The following SAMD12 variants were observed in gnomAD, a reference collection of about 807,000 sequenced individuals.
SAMD12 encodes the protein sterile alpha motif domain-containing protein 12.
In SAMD12, 9 loss-of-function variants were observed where a neutral mutation model predicts 15.0. The observed-to-expected ratio is 0.60, with a 90% CI of 0.36 to 1.05. The LOEUF (loss-of-function observed/expected upper bound fraction) is 1.05, where lower values mean the gene tolerates loss of function less well. Among genes scored for constraint, SAMD12 ranks in the 50% least tolerant of loss-of-function variants. The probability of loss-of-function intolerance (pLI) is 0.01; values close to 1 mark genes in which losing one functional copy is unlikely to be tolerated. For synonymous variants in SAMD12, 86 were observed against 90.1 expected, an observed-to-expected ratio of 0.96 and a Z score of 0.25; for missense variants, 230 against 234.2, an observed-to-expected ratio of 0.98 and a Z score of 0.12.
chr8:118,406,013 A>G (rs1821112975), intron 3 of SAMD12, among the ~76,000 whole-genome samples: 1 of 152,172 alleles, frequency 6.6e-6, no homozygotes, highest in Admixed American at 6.5e-5. Context: ...AGAATACAGC[A>G]AGGTTCAATG....
In SAMD12 at chr8:118,285,731, C is replaced by T. The variant is rs191539484; in HGVS notation, c.434-87999G>A. ...GTTGGGGATAATAATTTAGCAATCT[C>T]ATGGAGCTATTGAACAGACTGAATA... On this transcript the variant is annotated intron_variant, in intron 4 of 4. Transcript: ENST00000409003. Among the ~76,000 whole-genome samples the T allele has an allele frequency of 2.8e-3, 422 of 152,300 alleles. 1 individual carries two copies. Among genetic ancestry groups the T allele is most frequent in the Non-Finnish European group, 4.9e-3 (331 of 68,030 alleles).
At chr8:118,424,025 A>G (rs928354957) in intron 3 of SAMD12, among the ~76,000 whole-genome samples, 5 of 152,184 alleles carry the variant, frequency 3.3e-5, no homozygotes, top group African/African-American at 1.2e-4. Flanking sequence ...GATGCTAAGT[A>G]TATGTTTAGG....
At chr8:118,435,431 A>G (rs1276292140) in intron 3 of SAMD12, among the ~76,000 whole-genome samples, 1 of 152,172 alleles carries the variant, frequency 6.6e-6, no homozygotes, top group African/African-American at 2.4e-5. Context: ...GGTTTCAGGC[A>G]TCCACTGGGG....
At chr8:118,167,065 C>A in the SAMD12 span, among the ~76,000 whole-genome samples, 18 of 152,254 alleles carry the variant, frequency 1.2e-4, no homozygotes, top group African/African-American at 4.3e-4. Context: ...AGTGGGTACT[C>A]TTCCCTGCCT....
intron 3 of SAMD12, among the ~76,000 whole-genome samples, chr8:118,419,461 T>C (rs1821890957): frequency 6.6e-6 from 1 of 152,208 alleles, no homozygotes; most frequent in Non-Finnish European, 1.5e-5. Flanking sequence ...ACCTGTAAGA[T>C]TCTGGGGACT....
chr8:118,279,704 G>A, intron 4 of SAMD12, among the ~76,000 whole-genome samples: 1 of 152,310 alleles, frequency 6.6e-6, no homozygotes, highest in African/African-American at 2.4e-5. Flanking sequence ...TGCATAAGAG[G>A]AAATGAGTGA....
At chr8:118,500,778 C>T (rs1386394261) in intron 2 of SAMD12, among the ~76,000 whole-genome samples, 1 of 152,142 alleles carries the variant, frequency 6.6e-6, no homozygotes, top group Admixed American at 6.5e-5. Flanking sequence ...TGCACTCCAG[C>T]CTGGGCGACA....
intron 4 of SAMD12, among the ~76,000 whole-genome samples, chr8:118,331,017 A>G (rs1052836978): frequency 2.0e-5 from 3 of 152,028 alleles, no homozygotes; most frequent in African/African-American, 7.2e-5. Flanking sequence ...TAAAATATAC[A>G]TTCCTAGGGT....
chr8:118,383,389 T>C (rs1335918375), intron 3 of SAMD12, among the ~76,000 whole-genome samples: 1 of 152,152 alleles, frequency 6.6e-6, no homozygotes, highest in Non-Finnish European at 1.5e-5. Context: ...AAGCTGTTAA[T>C]GAGTAATGAA....
At chr8:118,205,321 T>C (rs1819831352) in intron 4 of SAMD12, among the ~76,000 whole-genome samples, 1 of 152,232 alleles carries the variant, frequency 6.6e-6, no homozygotes, top group African/African-American at 2.4e-5. Context: ...ATGAAGAACC[T>C]TGAGGAGCAG....
chr8:118,200,118 G>A (rs1819671281), intron 4 of SAMD12, among the ~76,000 whole-genome samples: 1 of 152,086 alleles, frequency 6.6e-6, no homozygotes, highest in South Asian at 2.1e-4. Flanking sequence ...CATGTAAGAT[G>A]TGACTTTCAC....
chr8:118,204,403 G>A (rs1278687208), intron 4 of SAMD12, among the ~76,000 whole-genome samples: 1 of 152,066 alleles, frequency 6.6e-6, no homozygotes, highest in Non-Finnish European at 1.5e-5. Context: ...AGGGGGAGTT[G>A]CCCACTGAGA....
chr8:118,395,926 C>A (rs1157484666), intron 3 of SAMD12, among the ~76,000 whole-genome samples: 54 of 118,404 alleles, frequency 4.6e-4, no homozygotes, highest in African/African-American at 1.7e-3. Context: ...GAGCAAGACT[C>A]CATCTCAAAA....
chr8:118,445,074 A>G (rs1822870902), intron 2 of SAMD12, among the ~76,000 whole-genome samples: 1 of 152,314 alleles, frequency 6.6e-6, no homozygotes, highest in South Asian at 2.1e-4. Context: ...CTATCTTGCA[A>G]TGTCCTTTCT....
intron 4 of SAMD12, among the ~76,000 whole-genome samples, chr8:118,334,145 C>T (rs1816942817): frequency 6.6e-6 from 1 of 152,146 alleles, no homozygotes; most frequent in African/African-American, 2.4e-5. Flanking sequence ...ATACTTATGT[C>T]ATTGTATTCT....
At chr8:118,149,685 T>C in the SAMD12 span, among the ~76,000 whole-genome samples, 1 of 152,164 alleles carries the variant, frequency 6.6e-6, no homozygotes, top group Non-Finnish European at 1.5e-5. Flanking sequence ...TATGTTTTCT[T>C]CTAGAGTTTT....
At chr8:118,177,743 AC>A in the SAMD12 span, among the ~76,000 whole-genome samples, 81,761 of 151,902 alleles carry the variant, frequency 0.54, 23,824 homozygotes, top group Middle Eastern at 0.66. Flanking sequence ...AAATAAAAAA[AC>A]AACATAAAGG....
chr8:118,466,870 T>C (rs1563877472), intron 2 of SAMD12, among the ~76,000 whole-genome samples: 1 of 152,206 alleles, frequency 6.6e-6, no homozygotes, highest in Admixed American at 6.5e-5. Flanking sequence ...CCCACAAATT[T>C]TGACAAATCT....
intron 4 of SAMD12, among the ~76,000 whole-genome samples, chr8:118,297,591 G>C (rs1814780395): frequency 6.6e-6 from 1 of 152,138 alleles, no homozygotes; most frequent in African/African-American, 2.4e-5. Context: ...AATTAAAATT[G>C]TATTCTCAAT....
Sources: gnomAD v4.1 joint callset for allele counts (sites outside exome capture counted in the v4.1 genomes callset) on GRCh38, gnomAD v4.1.1 for gene constraint, MANE v1.5 for transcripts, NCBI Gene and HGNC (gene_info 2026-07-23, HGNC 2026-07-21) for gene names.